TRIOBP: variants seen among roughly 807,000 people sequenced by gnomAD.
TRIOBP encodes TRIO and F-actin binding protein.
In TRIOBP, 169 loss-of-function variants were observed where a neutral mutation model predicts 238.8. The observed-to-expected ratio is 0.71, with a 90% CI of 0.62 to 0.80. The LOEUF (loss-of-function observed/expected upper bound fraction) is 0.80, where lower values mean the gene tolerates loss of function less well. Among genes scored for constraint, TRIOBP ranks in the 30% least tolerant of loss-of-function variants. The probability of loss-of-function intolerance (pLI) is 0.00; values close to 1 mark genes in which losing one functional copy is unlikely to be tolerated. For missense variants in TRIOBP, 2,838 were observed against 3,122.6 expected (o/e 0.91, Z 2.17); for synonymous variants, 1,150 against 1,274.4 (o/e 0.90, Z 2.08).
At chr22:37,751,488 G>T (rs1019059976) in intron 11 of TRIOBP, 14 of 507,108 alleles carry the variant, frequency 2.8e-5, no homozygotes, top group African/African-American at 2.7e-4. Flanking sequence ...GCGAGGGGTC[G>T]GCTGGAGAGA....
intron 3 of TRIOBP, 24 bp downstream of exon 3, chr22:37,701,503 G>GGGGTGGTTT: frequency 6.4e-7 from 1 of 1,571,884 alleles, no homozygotes; most frequent in Middle Eastern, 1.7e-4. Flanking sequence ...CCACGTGGTT[G>GGGGTGGTTT]GGGTGGTTTG....
chr22:37,725,662 G>A lies in TRIOBP; in HGVS notation c.3106G>A (p.Asp1036Asn), dbSNP rs779547704. Reference protein sequence around the residue: ...ASSPPRYLQHDPFPFFPEPRA... With the variant: ...ASSPPRYLQHNPFPFFPEPRA... ...TTCGCCCCCTCGCTATTTGCAGCACGACCCCTTCCCCTTCTTCCCAGAGCC... is the reference window on the plus strand; with the variant it reads ...TTCGCCCCCTCGCTATTTGCAGCACAACCCCTTCCCCTTCTTCCCAGAGCC... The change falls in exon 7 of 24, where the codon GAC becomes AAC. Residue 1036 changes from aspartate (D) to asparagine (N), a missense_variant. Transcript: ENST00000644935. The A allele has an allele frequency of 2.5e-6, 4 of 1,609,232 alleles. No homozygotes were observed. The highest frequency in any genetic ancestry group is 1.4e-5 in the African/African-American group (1 of 73,580).
chr22:37,732,371 C>T (rs4634031), intron 7 of TRIOBP, among the ~76,000 whole-genome samples: 9,255 of 152,058 alleles, frequency 0.061, 933 homozygotes, highest in African/African-American at 0.21. Context: ...CAGGGTCAGG[C>T]GTGGTGGCTC....
rs764276281 is a variant in TRIOBP, at chr22:37,726,041, C to A, written c.3485C>A (p.Thr1162Asn). The A allele has an allele frequency of 1.2e-6, 2 of 1,602,278 alleles. No homozygotes were observed. The highest frequency in any genetic ancestry group is 1.7e-6 in the Non-Finnish European group (2 of 1,175,710). Residue 1162 changes from threonine (T) to asparagine (N), a missense_variant, in exon 7 of 24, where the codon ACC (threonine) becomes AAC (asparagine). Thr to Asn is a moderately conservative substitution (Grantham distance 65, BLOSUM62 0). This residue lies in a region of TRIOBP where 2,096 missense variants were observed against 2,137.4 expected (regional missense o/e 0.98). Transcript: ENST00000644935. ...DSLHECPHIP[T>N]PVCIGHRDAP... ...CTGCACGAGTGCCCCCACATCCCCACCCCTGTGTGCATTGGGCACCGGGAT... is the reference window on the plus strand; with the variant it reads ...CTGCACGAGTGCCCCCACATCCCCAACCCTGTGTGCATTGGGCACCGGGAT...
At chr22:37,772,051 A>G (rs1470610790) in intron 22 of TRIOBP, among the ~76,000 whole-genome samples, 1 of 152,160 alleles carries the variant, frequency 6.6e-6, no homozygotes, top group Non-Finnish European at 1.5e-5. Context: ...GAACAAAATA[A>G]CCCCAAATCT....
chr22:37,730,482 G>C (rs1020269355), intron 7 of TRIOBP, among the ~76,000 whole-genome samples: 1 of 152,060 alleles, frequency 6.6e-6, no homozygotes, highest in Non-Finnish European at 1.5e-5. Context: ...CCCTGCACCG[G>C]GTGTTTCCAC....
At chr22:37,746,908 G>A (rs546328936) in intron 11 of TRIOBP, among the ~76,000 whole-genome samples, 2 of 151,908 alleles carry the variant, frequency 1.3e-5, no homozygotes, top group Non-Finnish European at 2.9e-5. Flanking sequence ...GCTGGCCCGA[G>A]GTCGGGTGGG....
chr22:37,748,494 G>C (rs758821743), intron 11 of TRIOBP, among the ~76,000 whole-genome samples: 2 of 152,146 alleles, frequency 1.3e-5, no homozygotes, highest in African/African-American at 2.4e-5. Flanking sequence ...CTTGTTTACT[G>C]TCTCTTTCCT....
rs773744703 is a variant in TRIOBP, at chr22:37,724,792, A to G, written c.2236A>G (p.Thr746Ala). The stretch of plus-strand genomic sequence containing the variant: ...AACCATCCAGCGAGACAACCCCAGA[A>G]CATCCTGTGCCCAGCGGGACAATCC... Reference protein sequence around the residue: ...NRTIQRDNPRTSCAQRDNPRA... With the variant: ...NRTIQRDNPRASCAQRDNPRA... The change falls in exon 7 of 24, where the codon ACA becomes GCA. Residue 746 changes from threonine to alanine, a missense_variant. Physicochemically the swap from Thr to Ala is moderately conservative, Grantham distance 58. Coordinates refer to ENST00000644935, the MANE Select transcript of TRIOBP (RefSeq NM_001039141.3). 3 of 1,612,370 alleles carry G rather than the reference A, an allele frequency of 1.9e-6. No homozygotes were observed. The highest frequency in any genetic ancestry group is 4.5e-5 in the East Asian group (2 of 44,822).
At chr22:37,732,466 C>T (rs1422353168) in intron 7 of TRIOBP, among the ~76,000 whole-genome samples, 4 of 147,878 alleles carry the variant, frequency 2.7e-5, no homozygotes, top group East Asian at 4.0e-4. Context: ...GCCGAGATCG[C>T]GCCACTGCAC....
intron 18 of TRIOBP, among the ~76,000 whole-genome samples, chr22:37,767,304 C>CA (rs10666177): frequency 0.42 from 59,573 of 140,550 alleles, 15,091 homozygotes; most frequent in African/African-American, 0.58. Context: ...GACTCTGTCT[C>CA]AAAAAAAAAA....
In TRIOBP at chr22:37,724,271, G is replaced by A. The variant is rs375378994; in HGVS notation, c.1715G>A (p.Arg572Gln). Residue 572 changes from arginine (R) to glutamine (Q), a missense_variant, in exon 7 of 24, where the codon CGA (arginine) becomes CAA (glutamine). This residue lies in a region of TRIOBP where 14 missense variants were observed against 198.4 expected (regional missense o/e 0.07). Coordinates refer to ENST00000644935, the MANE Select transcript of TRIOBP (RefSeq NM_001039141.3). Reference sequence around the variant, plus strand: ...ACCTCCTCTCCCAATAGAGCCACACGAGACAACCCCAGAACATCCTGTGCC... The same window carrying A: ...ACCTCCTCTCCCAATAGAGCCACACAAGACAACCCCAGAACATCCTGTGCC... The part of the protein sequence containing the change: ...SRTSSPNRAT[R>Q]DNPRTSCAQR... 9.6e-6 allele frequency: 15 copies of A among 1,569,660 alleles called. No individual in the cohort carries two copies. The African/African-American group carries it at 1.4e-4, about 15-fold the overall frequency.
At chr22:37,764,905 A>G (rs893963554) in intron 17 of TRIOBP, among the ~76,000 whole-genome samples, 4 of 152,224 alleles carry the variant, frequency 2.6e-5, no homozygotes, top group African/African-American at 9.6e-5. Flanking sequence ...GAGGCAGGGG[A>G]GAGGCTGCCC....
intron 13 of TRIOBP, 24 bp from the exon 14 acceptor site, chr22:37,755,077 C>T (rs779604130): frequency 1.9e-6 from 3 of 1,611,692 alleles, no homozygotes; most frequent in Non-Finnish European, 2.5e-6. Context: ...CCCACACGGA[C>T]CATAGTGGGC....
At chr22:37,749,311 C>T (rs948414680) in intron 11 of TRIOBP, among the ~76,000 whole-genome samples, 8 of 151,968 alleles carry the variant, frequency 5.3e-5, no homozygotes, top group Non-Finnish European at 8.8e-5. Flanking sequence ...GCCGAGATGG[C>T]GCCATTGCAC....
chr22:37,698,970 G>A (rs147290369), intron 2 of TRIOBP, among the ~76,000 whole-genome samples: 52 of 152,134 alleles, frequency 3.4e-4, no homozygotes, highest in Admixed American at 2.8e-3. Context: ...GCGAAACCCC[G>A]TTGCTACTAA....
At chr22:37,755,245 TG>T in intron 14 of TRIOBP, 55 bp downstream of exon 14, 1 of 1,556,050 alleles carries the variant, frequency 6.4e-7, no homozygotes, top group Non-Finnish European at 8.7e-7. Context: ...TGGAGGTCCC[TG>T]GGGGAGGTTT....
At position 37,733,341 on chromosome 22, in the gene TRIOBP, C is replaced by G; in HGVS notation, c.3991C>G (p.Arg1331Gly). 6.4e-7 allele frequency: 1 copy of G among 1,551,478 alleles called. No homozygotes were observed. Among genetic ancestry groups the G allele is most frequent in the Non-Finnish European group, 8.7e-7 (1 of 1,147,428 alleles). Reference protein sequence around the residue: ...AGAFQAQDEGRSQQPSQGQSQ... With the variant: ...AGAFQAQDEGGSQQPSQGQSQ... ...GGCCTTCCAGGCCCAGGACGAGGGA[C>G]GGTCACAGCAGCCCAGCCAAGGCCA... is the stretch of plus-strand genomic sequence containing the variant. Residue 1331 changes from arginine to glycine, a missense_variant, in exon 8 of 24, where the codon CGG becomes GGG. Arg to Gly is a moderately radical substitution (Grantham distance 125). This residue lies in a region of TRIOBP where 2,096 missense variants were observed against 2,137.4 expected (regional missense o/e 0.98). Transcript: ENST00000644935.
rs1925876031 is a variant in TRIOBP, at chr22:37,755,575, C to T, written c.5603C>T (p.Ser1868Leu). 3.7e-6 allele frequency: 6 copies of T among 1,614,016 alleles called. No individual in the cohort carries two copies. Among genetic ancestry groups the T allele is most frequent in the Middle Eastern group, 1.6e-4 (1 of 6,062 alleles). The stretch of plus-strand genomic sequence containing the variant: ...ACCAAGGATGCTGTCTATACCTTGT[C>T]GGCCATGACCTCAGGCATCCGGCGG... ...IHTKDAVYTLSAMTSGIRRNW... is the reference protein window; with the variant it reads ...IHTKDAVYTLLAMTSGIRRNW... The change falls in exon 15 of 24, where the codon TCG becomes TTG. Residue 1868 changes from serine (S) to leucine (L), a missense_variant. Transcript: ENST00000644935.
Sources: allele counts gnomAD v4.1 joint callset (sites outside exome capture counted in the v4.1 genomes callset), GRCh38; gene constraint gnomAD v4.1.1; regional missense constraint gnomAD v4.1.1; transcripts MANE v1.5; gene names NCBI Gene and HGNC (gene_info 2026-07-23, HGNC 2026-07-21).